Variants in ERICH5 observed in about 807,000 individuals in gnomAD.
ERICH5 encodes glutamate rich 5.
In ERICH5, 24 loss-of-function variants were observed where a neutral mutation model predicts 28.0. The ratio of observed to expected loss-of-function variants is 0.86; its 90% CI spans 0.62 to 1.21. The LOEUF (loss-of-function observed/expected upper bound fraction) is 1.21, where lower values mean the gene tolerates loss of function less well. ERICH5 is among the 50% of genes most tolerant of loss of function. ERICH5 has a pLI of 0.00. For missense variants in ERICH5, 421 were observed against 441.2 expected (o/e 0.95, Z 0.41); for synonymous variants, 163 against 157.6 (o/e 1.03, Z -0.25).
intron 1 of ERICH5, among the ~76,000 whole-genome samples, chr8:98,083,446 G>A (rs1442600222): frequency 6.6e-6 from 1 of 152,040 alleles, no homozygotes; most frequent in African/African-American, 2.4e-5. Context: ...GGCAGGAGGG[G>A]GAGGTGAAAA....
chr8:98,072,746 C>T (rs1814940817), intron 1 of ERICH5, among the ~76,000 whole-genome samples: 1 of 152,202 alleles, frequency 6.6e-6, no homozygotes, highest in Admixed American at 6.5e-5. Context: ...TAACATCTGC[C>T]TTCAGCCACC....
intron 1 of ERICH5, among the ~76,000 whole-genome samples, chr8:98,081,259 C>T (rs1815179357): frequency 1.3e-5 from 2 of 151,972 alleles, no homozygotes; most frequent in African/African-American, 4.8e-5. Flanking sequence ...GCCTGCACCA[C>T]CATACCCAGC....
chr8:98,090,589 C>T (rs569050980), intron 2 of ERICH5, among the ~76,000 whole-genome samples: 1 of 146,862 alleles, frequency 6.8e-6, no homozygotes, highest in Non-Finnish European at 1.5e-5. Context: ...ATAGTGAGAC[C>T]TTGTTCTCCA....
intron 1 of ERICH5, among the ~76,000 whole-genome samples, chr8:98,066,513 C>A (rs1211677477): frequency 6.6e-6 from 1 of 152,158 alleles, no homozygotes; most frequent in Non-Finnish European, 1.5e-5. Context: ...ATAACTTTAT[C>A]TTTAAAAATA....
chr8:98,085,151 T>C, intron 1 of ERICH5, among the ~76,000 whole-genome samples: 1 of 15,404 alleles, frequency 6.5e-5, no homozygotes, highest in South Asian at 3.7e-3. Context: ...TTTTTTTTTT[T>C]TTTTTTTTTT....
At chr8:98,088,045 G>A (rs2130531854) in intron 1 of ERICH5, among the ~76,000 whole-genome samples, 1 of 152,142 alleles carries the variant, frequency 6.6e-6, no homozygotes, top group East Asian at 1.9e-4. Flanking sequence ...AACATAGTGA[G>A]ATCCTGTCTC....
chr8:98,073,490 A>C (rs1225729766), intron 1 of ERICH5, among the ~76,000 whole-genome samples: 5 of 2,744 alleles, frequency 1.8e-3, no homozygotes, highest in Admixed American at 8.8e-3. Context: ...ATATATGTAT[A>C]TATATATATA....
At position 98,064,590 on chromosome 8, in the gene ERICH5, C is replaced by A; in HGVS notation, c.-80C>A. The A allele has an allele frequency of 8.0e-7, 1 of 1,255,430 alleles. No homozygotes were observed. Among genetic ancestry groups the A allele is most frequent in the Non-Finnish European group, 1.1e-6 (1 of 926,306 alleles). 77.8% of individuals were successfully genotyped at this position (1,255,430 alleles called of 1,614,324 possible). On this transcript the variant is annotated 5_prime_UTR_variant, in exon 1 of 3. Transcript: ENST00000318528. ...TGCAGAGCTGGAGAAACTTCCGCGGCTACGGGTGCAGTTGCCTTCGGTTCC... is the reference window on the plus strand; with the variant it reads ...TGCAGAGCTGGAGAAACTTCCGCGGATACGGGTGCAGTTGCCTTCGGTTCC...
chr8:98,081,111 T>C (rs982236457), intron 1 of ERICH5, among the ~76,000 whole-genome samples: 2 of 152,030 alleles, frequency 1.3e-5, no homozygotes, highest in African/African-American at 4.8e-5. Flanking sequence ...TCTCTCTTTT[T>C]TTCTTTTTTC....
At chr8:98,084,896 G>A (rs1256967835) in intron 1 of ERICH5, among the ~76,000 whole-genome samples, 1 of 151,852 alleles carries the variant, frequency 6.6e-6, no homozygotes, top group East Asian at 1.9e-4. Flanking sequence ...GTGCCCCTTT[G>A]AAATCTCCCT....
At position 98,089,901 on chromosome 8, in the gene ERICH5, A is replaced by T. The variant is rs770478991; in HGVS notation, c.884A>T (p.Asn295Ile). ...PFHKTPEGPG[N>I]MEQIQPEGIV... is the part of the protein sequence containing the mutation. ...CATAAAACTCCTGAAGGTCCAGGAA[A>T]CATGGAGCAGATTCAACCTGAAGGA... The change falls in exon 2 of 3, where the codon AAC becomes ATC. Residue 295 changes from asparagine (N) to isoleucine (I), a missense_variant. Physicochemically the swap from Asn to Ile is moderately radical, Grantham distance 149. Coordinates refer to ENST00000318528, the MANE Select transcript of ERICH5 (RefSeq NM_173549.3). 3.7e-6 allele frequency: 6 copies of T among 1,614,252 alleles called. No homozygotes were observed. The Admixed American group carries it at 1.0e-4, about 27-fold the overall frequency.
At position 98,064,707 on chromosome 8, in the gene ERICH5, A is replaced by T; in HGVS notation, c.38A>T (p.Asp13Val). Residue 13 changes from aspartate to valine, a missense_variant, in exon 1 of 3, where the codon GAC becomes GTC. Transcript: ENST00000318528. ...CSSSALNKAG[D>V]SSRFPSVTSN... is the part of the protein sequence containing the mutation. ...AGCAGCGCCCTCAACAAGGCCGGCGACAGCAGCAGGTTCCCCAGCGGTGAG... is the reference window on the plus strand; with the variant it reads ...AGCAGCGCCCTCAACAAGGCCGGCGTCAGCAGCAGGTTCCCCAGCGGTGAG... 1 of 1,534,796 alleles carries T rather than the reference A, an allele frequency of 6.5e-7. No homozygotes were observed. Among genetic ancestry groups the T allele is most frequent in the Non-Finnish European group, 8.7e-7 (1 of 1,143,482 alleles).
In ERICH5 at chr8:98,091,900, CCT is replaced by C. The variant is rs1448940187; in HGVS notation, c.1013-1320_1013-1319del. Among the ~76,000 whole-genome samples the C allele has an allele frequency of 1.3e-3, 95 of 74,698 alleles. 2 individuals are homozygous for C. The highest frequency in any genetic ancestry group is 5.2e-3 in the African/African-American group (92 of 17,834). 49.0% of individuals were successfully genotyped at this position (74,698 alleles called of 152,430 possible). Reference sequence around the variant, plus strand: ...TCTTTCTTTCTTTCTTTCTTTCTTTCCTTTCTTTCTTTCTTTCTTCCTTTCTT... The same window carrying C: ...TCTTTCTTTCTTTCTTTCTTTCTTTCTTCTTTCTTTCTTTCTTCCTTTCTT... On this transcript the variant is annotated intron_variant, in intron 2 of 2. Transcript: ENST00000318528.
At chr8:98,084,849 A>T (rs1371251980) in intron 1 of ERICH5, among the ~76,000 whole-genome samples, 1 of 152,164 alleles carries the variant, frequency 6.6e-6, no homozygotes, top group Non-Finnish European at 1.5e-5. Context: ...ACTCTGGTTT[A>T]TCTGTACACC....
chr8:98,078,203 G>GA (rs1015448883), intron 1 of ERICH5, among the ~76,000 whole-genome samples: 10 of 152,118 alleles, frequency 6.6e-5, no homozygotes, highest in Non-Finnish European at 1.0e-4. Flanking sequence ...TGGGAAAAGG[G>GA]AAAAAACATC....
At position 98,076,406 on chromosome 8, in the gene ERICH5, T is replaced by TC. The variant is rs58162527; in HGVS notation, c.58+11681dup. On this transcript the variant is annotated intron_variant, in intron 1 of 2. Coordinates refer to ENST00000318528, the MANE Select transcript of ERICH5 (RefSeq NM_173549.3). ...TTAGAAGGCCTTTTTTTTTTTTTTT[T>TC]CCTCGTGATCTAGCCAAGGCAGAGG... Among the ~76,000 whole-genome samples, 23 of 147,214 alleles carry TC rather than the reference T, an allele frequency of 1.6e-4. No individual in the cohort carries two copies. In the South Asian group the frequency reaches 4.6e-3, roughly 30 times the overall value.
intron 2 of ERICH5, among the ~76,000 whole-genome samples, chr8:98,091,904 T>TCTTTCTTTC (rs1815405781): frequency 2.4e-5 from 2 of 81,656 alleles, no homozygotes; most frequent in South Asian, 4.5e-4. Context: ...TTCTTTCCTT[T>TCTTTCTTTC]CTTTCTTTCT....
In ERICH5 at chr8:98,093,364, C is replaced by T; in HGVS notation, c.*31C>T. The stretch of plus-strand genomic sequence containing the variant: ...AGAGTGAACCGACACAGTGTGTTAT[C>T]ATAGAGGAGACAAAAATGGTAGTGA... On this transcript the variant is annotated 3_prime_UTR_variant, in exon 3 of 3. Transcript: ENST00000318528. 6.7e-7 allele frequency: 1 copy of T among 1,486,460 alleles called. No individual in the cohort carries two copies. Among genetic ancestry groups the T allele is most frequent in the African/African-American group, 1.4e-5 (1 of 71,956 alleles). 92.1% of individuals were successfully genotyped at this position (1,486,460 alleles called of 1,614,324 possible).
In ERICH5 at chr8:98,089,871, C is replaced by T. The variant is rs747768336; in HGVS notation, c.854C>T (p.Pro285Leu). 4 of 1,614,166 alleles carry T rather than the reference C, an allele frequency of 2.5e-6. No individual in the cohort carries two copies. Among genetic ancestry groups the T allele is most frequent in the South Asian group, 1.1e-5 (1 of 91,072 alleles). The change falls in exon 2 of 3, where the codon CCA becomes CTA. Residue 285 changes from proline to leucine, a missense_variant. Coordinates refer to ENST00000318528, the MANE Select transcript of ERICH5 (RefSeq NM_173549.3). Reference protein sequence around the residue: ...QLVEKPVMNDPFHKTPEGPGN... With the variant: ...QLVEKPVMNDLFHKTPEGPGN... ...GTGGAAAAGCCTGTTATGAATGATC[C>T]ATTCCATAAAACTCCTGAAGGTCCA... is the stretch of plus-strand genomic sequence containing the variant.
Sources: allele counts gnomAD v4.1 joint callset (sites outside exome capture counted in the v4.1 genomes callset), GRCh38; gene constraint gnomAD v4.1.1; transcripts MANE v1.5; gene names NCBI Gene and HGNC (gene_info 2026-07-23, HGNC 2026-07-21).